The following COMMD10 variants were observed in gnomAD, a reference collection of about 807,000 sequenced individuals.
COMMD10 encodes the protein COMM domain-containing protein 10.
In COMMD10, 33 loss-of-function variants were observed where a neutral mutation model predicts 28.9. The observed-to-expected ratio is 1.14, with a 90% CI of 0.87 to 1.53. The LOEUF (loss-of-function observed/expected upper bound fraction) is 1.53. Among genes scored for constraint, COMMD10 ranks in the 40% most tolerant of loss-of-function variants. COMMD10 has a pLI of 0.00. For missense variants in COMMD10, 310 were observed against 233.4 expected (o/e 1.33, Z -2.14); for synonymous variants, 110 against 81.7 (o/e 1.35, Z -1.87).
chr5:116,255,529 A>G (rs559915201), intron 5 of COMMD10, among the ~76,000 whole-genome samples: 1 of 151,314 alleles, frequency 6.6e-6, no homozygotes, highest in Non-Finnish European at 1.5e-5. Context: ...GCTTGAGCAG[A>G]CTCTATTTTC....
intron 4 of COMMD10, 33 bp from the exon 5 acceptor site, chr5:116,134,035 C>A: frequency 8.5e-7 from 1 of 1,182,780 alleles, no homozygotes; most frequent in South Asian, 1.2e-5. Context: ...CCTTCTGTAC[C>A]ATCTGATTCC....
intron 5 of COMMD10, among the ~76,000 whole-genome samples, chr5:116,242,438 T>C (rs1326451188): frequency 1.3e-5 from 2 of 152,194 alleles, no homozygotes; most frequent in Admixed American, 6.5e-5. Flanking sequence ...TTAACAGTTA[T>C]CTTAGGAAAT....
At chr5:116,130,252 A>G (rs1477121072) in intron 4 of COMMD10, among the ~76,000 whole-genome samples, 1 of 151,956 alleles carries the variant, frequency 6.6e-6, no homozygotes, top group African/African-American at 2.4e-5. Context: ...GCACTGATAA[A>G]AAGGGCAAAA....
intron 4 of COMMD10, among the ~76,000 whole-genome samples, chr5:116,116,746 C>T (rs1466899719): frequency 7.0e-6 from 1 of 142,384 alleles, no homozygotes; most frequent in African/African-American, 2.7e-5. Flanking sequence ...GAGTCTCGCT[C>T]TGTCGCCCAG....
In COMMD10 at chr5:116,290,393, G is replaced by T. The variant is rs185677475; in HGVS notation, c.511-1124G>T. Among the ~76,000 whole-genome samples the T allele has an allele frequency of 3.9e-3, 587 of 151,882 alleles. 21 individuals are homozygous for T. Among genetic ancestry groups the T allele is most frequent in the African/African-American group, 0.014 (566 of 41,224 alleles). On this transcript the variant is annotated intron_variant, in intron 5 of 6. Coordinates refer to ENST00000274458, the MANE Select transcript of COMMD10 (RefSeq NM_016144.4). ...AGCTTAAGTACTTAGATATATGAGA[G>T]AAAATGAAGAAGTATGGAAATTTGA...
chr5:116,175,413 G>A (rs1378229235), intron 5 of COMMD10, among the ~76,000 whole-genome samples: 2 of 152,080 alleles, frequency 1.3e-5, no homozygotes, highest in African/African-American at 4.8e-5. Flanking sequence ...GGGTATCCTT[G>A]TACATTACCG....
chr5:116,254,166 C>T (rs253966), intron 5 of COMMD10, among the ~76,000 whole-genome samples: 57,806 of 151,394 alleles, frequency 0.38, 13,544 homozygotes, highest in Non-Finnish European at 0.52. Context: ...TTTTTTATTG[C>T]GTCTATTTGA....
At chr5:116,211,071 T>A (rs1748951010) in intron 5 of COMMD10, among the ~76,000 whole-genome samples, 1 of 152,186 alleles carries the variant, frequency 6.6e-6, no homozygotes, top group African/African-American at 2.4e-5. Context: ...TTGGAAAAAA[T>A]TATAATGGAA....
rs376256066 is a variant in COMMD10, at chr5:116,203,152, C to T, written c.510+68974C>T. On this transcript the variant is annotated intron_variant, in intron 5 of 6. Transcript: ENST00000274458. Reference sequence around the variant, plus strand: ...CATTTATTAAATAGGGAATCCTTTCCCTATGAATGAAATGAAGCGAGAAGG... The same window carrying T: ...CATTTATTAAATAGGGAATCCTTTCTCTATGAATGAAATGAAGCGAGAAGG... 1.7e-3 allele frequency among the ~76,000 whole-genome samples: 264 copies of T among 151,858 alleles called. 3 individuals are homozygous for T. Among genetic ancestry groups the T allele is most frequent in the African/African-American group, 6.0e-3 (247 of 41,428 alleles).
chr5:116,189,000 C>A (rs7718502), intron 5 of COMMD10, among the ~76,000 whole-genome samples: 7 of 152,230 alleles, frequency 4.6e-5, no homozygotes, highest in East Asian at 1.9e-4. Flanking sequence ...CATTTGCCAC[C>A]TAATTCCTTA....
chr5:116,275,335 G>A (rs1350789730), intron 5 of COMMD10, among the ~76,000 whole-genome samples: 1 of 151,732 alleles, frequency 6.6e-6, no homozygotes, highest in Non-Finnish European at 1.5e-5. Flanking sequence ...TTTGCTGGTG[G>A]GAATATCCCC....
intron 5 of COMMD10, among the ~76,000 whole-genome samples, chr5:116,237,578 G>T (rs1015900420): frequency 2.0e-5 from 3 of 152,120 alleles, no homozygotes; most frequent in African/African-American, 7.2e-5. Context: ...GGGAGGCTGA[G>T]GTGGGAGGAT....
intron 4 of COMMD10, among the ~76,000 whole-genome samples, chr5:116,104,572 A>T (rs895532495): frequency 6.6e-6 from 1 of 151,978 alleles, no homozygotes; most frequent in Non-Finnish European, 1.5e-5. Flanking sequence ...TTCTAAATAT[A>T]CAATCATGTC....
intron 5 of COMMD10, among the ~76,000 whole-genome samples, chr5:116,280,177 T>C (rs1032419001): frequency 2.0e-5 from 3 of 151,942 alleles, no homozygotes; most frequent in Non-Finnish European, 4.4e-5. Flanking sequence ...CATTTCGTGG[T>C]TCTACCTACT....
intron 4 of COMMD10, among the ~76,000 whole-genome samples, chr5:116,107,722 G>C (rs755820728): frequency 4.6e-5 from 7 of 151,484 alleles, no homozygotes; most frequent in African/African-American, 7.3e-5. Flanking sequence ...TTGTTCCCTT[G>C]CTGGCGAGGA....
chr5:116,209,619 C>T (rs6866773), intron 5 of COMMD10, among the ~76,000 whole-genome samples: 48,856 of 151,950 alleles, frequency 0.32, 11,095 homozygotes, highest in African/African-American at 0.65. Flanking sequence ...TAAATGGTCT[C>T]AAAACACTAA....
intron 4 of COMMD10, among the ~76,000 whole-genome samples, chr5:116,127,241 A>C (rs1315124113): frequency 6.6e-6 from 1 of 152,212 alleles, no homozygotes; most frequent in Non-Finnish European, 1.5e-5. Flanking sequence ...ACCTCACACC[A>C]GTTAGAATGG....
At chr5:116,170,900 C>G (rs980095871) in intron 5 of COMMD10, among the ~76,000 whole-genome samples, 4 of 152,126 alleles carry the variant, frequency 2.6e-5, no homozygotes, top group Admixed American at 6.5e-5. Flanking sequence ...AAAATCTTGG[C>G]AATGCCATTC....
intron 5 of COMMD10, among the ~76,000 whole-genome samples, chr5:116,171,914 G>A (rs1158967786): frequency 1.3e-5 from 2 of 152,038 alleles, no homozygotes; most frequent in African/African-American, 2.4e-5. Context: ...ACCATGGCAC[G>A]TGTATACCTA....
Sources: allele counts gnomAD v4.1 joint callset (sites outside exome capture counted in the v4.1 genomes callset), GRCh38; gene constraint gnomAD v4.1.1; transcripts MANE v1.5; gene names NCBI Gene and HGNC (gene_info 2026-07-23, HGNC 2026-07-21).